The following BBX variants were observed in gnomAD, a reference collection of about 807,000 sequenced individuals.
BBX encodes the protein BBX high mobility group box domain containing.
A neutral mutation model predicts 100.2 loss-of-function variants in BBX; 30 were observed. That is an observed-to-expected ratio of 0.30 (90% CI 0.22 to 0.41). The LOEUF (loss-of-function observed/expected upper bound fraction) is 0.41, where lower values mean the gene tolerates loss of function less well. Among genes scored for constraint, BBX ranks in the 10% least tolerant of loss-of-function variants. The pLI is 1.00. For synonymous variants in BBX, 376 were observed against 388.1 expected, an observed-to-expected ratio of 0.97 and a Z score of 0.37; for missense variants, 1,023 against 1,129.8, an observed-to-expected ratio of 0.91 and a Z score of 1.35.
intron 2 of BBX, among the ~76,000 whole-genome samples, chr3:107,617,442 C>T (rs981532096): frequency 6.6e-6 from 1 of 151,954 alleles, no homozygotes; most frequent in Non-Finnish European, 1.5e-5. Context: ...TAGGATGTGT[C>T]AAATCTGTAT....
chr3:107,763,594 C>A (rs1463095743), intron 10 of BBX, among the ~76,000 whole-genome samples: 2 of 152,054 alleles, frequency 1.3e-5, no homozygotes, highest in Non-Finnish European at 2.9e-5. Context: ...TGTGACAGTC[C>A]CCCTGAACCC....
At chr3:107,804,964 A>G (rs1056754418) in intron 17 of BBX, among the ~76,000 whole-genome samples, 4 of 152,188 alleles carry the variant, frequency 2.6e-5, no homozygotes, top group East Asian at 1.9e-4. Flanking sequence ...TTTAATACCA[A>G]TGGATCAACA....
At chr3:107,523,274 C>A (rs2047494830) in intron 1 of BBX, among the ~76,000 whole-genome samples, 167 bp downstream of exon 1, 1 of 151,948 alleles carries the variant, frequency 6.6e-6, no homozygotes, top group African/African-American at 2.4e-5. Flanking sequence ...TTGAGGAAGA[C>A]GGAGGGAACC....
chr3:107,747,840 G>T (rs1168282455), intron 8 of BBX, 125 bp from the exon 9 acceptor site: 1 of 670,960 alleles, frequency 1.5e-6, no homozygotes, highest in Non-Finnish European at 2.5e-6. Context: ...CTTCTAAAGG[G>T]ATTGAGGGTA....
At chr3:107,599,017 A>G (rs1375084476) in intron 2 of BBX, among the ~76,000 whole-genome samples, 1 of 152,062 alleles carries the variant, frequency 6.6e-6, no homozygotes, top group Admixed American at 6.6e-5. Context: ...AGGTCAGAGT[A>G]GAGGTGGATT....
At chr3:107,537,948 C>G (rs984796796) in intron 2 of BBX, among the ~76,000 whole-genome samples, 1 of 152,178 alleles carries the variant, frequency 6.6e-6, no homozygotes, top group Non-Finnish European at 1.5e-5. Flanking sequence ...AGTAATAACC[C>G]CAATGTTTAC....
chr3:107,604,027 C>G (rs1301197188), intron 2 of BBX, among the ~76,000 whole-genome samples: 2 of 152,120 alleles, frequency 1.3e-5, no homozygotes, highest in African/African-American at 4.8e-5. Flanking sequence ...GATTGCCTGT[C>G]TTTACCGTGG....
chr3:107,596,973 C>A (rs191286052), intron 2 of BBX, among the ~76,000 whole-genome samples: 2 of 152,202 alleles, frequency 1.3e-5, no homozygotes, highest in Non-Finnish European at 2.9e-5. Context: ...AGTACAGTGG[C>A]CTTTAAACTT....
At chr3:107,610,484 T>G (rs2054764900) in intron 2 of BBX, among the ~76,000 whole-genome samples, 1 of 152,092 alleles carries the variant, frequency 6.6e-6, no homozygotes, top group Non-Finnish European at 1.5e-5. Flanking sequence ...TCTCTTTCTC[T>G]TTAGCTCTAA....
intron 9 of BBX, among the ~76,000 whole-genome samples, chr3:107,748,559 C>T (rs534730777): frequency 9.2e-5 from 14 of 152,208 alleles, no homozygotes; most frequent in African/African-American, 3.1e-4. Flanking sequence ...AGATCTCAGA[C>T]TTCCTTGGTT....
At chr3:107,709,160 C>T (rs1013484411) in intron 3 of BBX, among the ~76,000 whole-genome samples, 2 of 151,798 alleles carry the variant, frequency 1.3e-5, no homozygotes, top group East Asian at 1.9e-4. Context: ...AGATCCTTAC[C>T]TCACTTATTT....
chr3:107,786,399 T>C (rs941696022), intron 13 of BBX, among the ~76,000 whole-genome samples: 3 of 152,098 alleles, frequency 2.0e-5, no homozygotes, highest in African/African-American at 7.2e-5. Flanking sequence ...TTAAAACTAA[T>C]TACAAAACAA....
chr3:107,765,127 A>G (rs755630335), intron 10 of BBX, among the ~76,000 whole-genome samples: 2 of 152,250 alleles, frequency 1.3e-5, no homozygotes, highest in Non-Finnish European at 2.9e-5. Flanking sequence ...AAGACATGTC[A>G]TGCTATTAAT....
At chr3:107,596,007 C>T (rs1046674491) in intron 2 of BBX, among the ~76,000 whole-genome samples, 2 of 152,130 alleles carry the variant, frequency 1.3e-5, no homozygotes, top group Non-Finnish European at 2.9e-5. Flanking sequence ...TATTTCTGGG[C>T]TTTGCAGTTC....
chr3:107,581,787 A>T (rs909277929), intron 2 of BBX, among the ~76,000 whole-genome samples: 1 of 152,106 alleles, frequency 6.6e-6, no homozygotes. Context: ...AATTTGTTAA[A>T]TCTCATTCTT....
At chr3:107,732,849 G>A in intron 6 of BBX, 107 bp from the exon 7 acceptor site, 1 of 895,898 alleles carries the variant, frequency 1.1e-6, no homozygotes, top group Non-Finnish European at 1.7e-6. Context: ...GTTATATGTG[G>A]TTCTGTTGGA....
chr3:107,605,360 G>T (rs1335355846), intron 2 of BBX, among the ~76,000 whole-genome samples: 1 of 135,796 alleles, frequency 7.4e-6, no homozygotes, highest in Non-Finnish European at 1.5e-5. Flanking sequence ...AGCTTCCATG[G>T]ATTCTTCACT....
chr3:107,742,471 C>T (rs971115344), intron 7 of BBX, among the ~76,000 whole-genome samples: 1 of 152,084 alleles, frequency 6.6e-6, no homozygotes, highest in African/African-American at 2.4e-5. Flanking sequence ...CTATACTATA[C>T]TGAAGATGTA....
chr3:107,594,345 C>G (rs1290059513), intron 2 of BBX, among the ~76,000 whole-genome samples: 2 of 152,100 alleles, frequency 1.3e-5, no homozygotes, highest in Non-Finnish European at 2.9e-5. Flanking sequence ...CCTTGAAGCC[C>G]TTATTCCTGT....
Sources: allele counts gnomAD v4.1 joint callset (sites outside exome capture counted in the v4.1 genomes callset), GRCh38; gene constraint gnomAD v4.1.1; transcripts MANE v1.5; gene names NCBI Gene and HGNC (gene_info 2026-07-23, HGNC 2026-07-21).